The following LGSN variants were observed in gnomAD, a reference collection of about 807,000 sequenced individuals.
The protein encoded by LGSN is lengsin, lens protein with glutamine synthetase domain.
In LGSN, 21 loss-of-function variants were observed where a neutral mutation model predicts 19.5. That is an observed-to-expected ratio of 1.07 (90% confidence interval 0.76 to 1.55). The LOEUF is 1.55. LGSN is among the 40% of genes most tolerant of loss of function. LGSN has a pLI of 0.00. For synonymous variants in LGSN, 257 were observed against 215.6 expected (o/e 1.19, Z -1.68); for missense variants, 673 against 608.5 (o/e 1.11, Z -1.12).
intron 1 of LGSN, among the ~76,000 whole-genome samples, chr6:63,313,881 T>C (rs1271914035): frequency 1.3e-5 from 2 of 151,264 alleles, no homozygotes; most frequent in Admixed American, 6.6e-5. Flanking sequence ...CATACATACA[T>C]ACATACATAC....
the LGSN span, among the ~76,000 whole-genome samples, chr6:63,381,297 C>A: frequency 6.6e-6 from 1 of 152,094 alleles, no homozygotes; most frequent in Non-Finnish European, 1.5e-5. Flanking sequence ...AATCTGTATG[C>A]CAGTTTCATA....
chr6:63,404,868 A>G, the LGSN span, among the ~76,000 whole-genome samples: 1 of 152,068 alleles, frequency 6.6e-6, no homozygotes, highest in African/African-American at 2.4e-5. Context: ...GGTTAGTTAC[A>G]TATGTATACA....
chr6:63,298,058 G>A (rs1768047758), intron 1 of LGSN, among the ~76,000 whole-genome samples: 1 of 152,180 alleles, frequency 6.6e-6, no homozygotes, highest in Non-Finnish European at 1.5e-5. Context: ...AGGGCTGCCT[G>A]ACTCTTGAAT....
the LGSN span, among the ~76,000 whole-genome samples, chr6:63,382,029 C>T: frequency 1.4e-4 from 21 of 152,138 alleles, no homozygotes; most frequent in Admixed American, 6.5e-5. Context: ...TTCCTGGTAC[C>T]TTAAACATAA....
the LGSN span, among the ~76,000 whole-genome samples, chr6:63,384,489 TTGTGTGTGTGTGTGTGTG>T: frequency 7.6e-5 from 10 of 131,584 alleles, no homozygotes; most frequent in South Asian, 5.6e-4. Context: ...AAATAACACC[TTGTGTGTGTGTGTGTGTG>T]TGTGTGTGTG....
At chr6:63,449,055 G>A in the LGSN span, among the ~76,000 whole-genome samples, 3 of 152,196 alleles carry the variant, frequency 2.0e-5, no homozygotes, top group Admixed American at 6.5e-5. Flanking sequence ...CAAATACTAC[G>A]CCATTTTATA....
the LGSN span, among the ~76,000 whole-genome samples, chr6:63,450,136 C>G: frequency 7.1e-6 from 1 of 140,000 alleles, no homozygotes; most frequent in Non-Finnish European, 1.5e-5. Flanking sequence ...CACATGAGGT[C>G]AGGAGTTCTA....
At chr6:63,292,171 G>A (rs192935146) in intron 2 of LGSN, among the ~76,000 whole-genome samples, 2 of 152,290 alleles carry the variant, frequency 1.3e-5, no homozygotes, top group Admixed American at 1.3e-4. Flanking sequence ...GTTGCCTGGA[G>A]TCTCTAGATA....
chr6:63,523,710 A>G, the LGSN span, among the ~76,000 whole-genome samples: 1 of 152,156 alleles, frequency 6.6e-6, no homozygotes, highest in African/African-American at 2.4e-5. Flanking sequence ...AAACTCTTTT[A>G]AAATTATAAG....
the LGSN span, among the ~76,000 whole-genome samples, chr6:63,472,171 G>A: frequency 2.0e-5 from 3 of 152,142 alleles, no homozygotes; most frequent in Admixed American, 6.6e-5. Flanking sequence ...ATGAGAAGGC[G>A]TATTTTATTT....
At chr6:63,423,443 C>T in the LGSN span, among the ~76,000 whole-genome samples, 1 of 151,372 alleles carries the variant, frequency 6.6e-6, no homozygotes, top group Non-Finnish European at 1.5e-5. Context: ...TCAAGATGTG[C>T]CTATGCACAT....
chr6:63,285,306 G>A (rs1767480907), intron 3 of LGSN, among the ~76,000 whole-genome samples: 1 of 152,068 alleles, frequency 6.6e-6, no homozygotes, highest in African/African-American at 2.4e-5. Flanking sequence ...AAATAATTCT[G>A]TAGAGCAAAA....
chr6:63,453,761 C>G, the LGSN span, among the ~76,000 whole-genome samples: 7 of 152,126 alleles, frequency 4.6e-5, no homozygotes, highest in African/African-American at 7.2e-5. Flanking sequence ...TCACACCATT[C>G]TCCTGCCTCA....
At chr6:63,564,919 A>G in the LGSN span, among the ~76,000 whole-genome samples, 8 of 152,250 alleles carry the variant, frequency 5.3e-5, no homozygotes, top group Non-Finnish European at 1.2e-4. Flanking sequence ...TAGATTCATA[A>G]TAAGTCCTTT....
chr6:63,400,502 G>A, the LGSN span, among the ~76,000 whole-genome samples: 1 of 152,200 alleles, frequency 6.6e-6, no homozygotes, highest in Non-Finnish European at 1.5e-5. Flanking sequence ...ATTAAATACA[G>A]TCAAGGGCTC....
upstream of LGSN, among the ~76,000 whole-genome samples, chr6:63,324,888 A>C (rs1324009220): frequency 6.6e-6 from 1 of 151,694 alleles, no homozygotes; most frequent in Non-Finnish European, 1.5e-5. Flanking sequence ...CGGTCACATC[A>C]CAAATTCAGG....
chr6:63,442,306 G>A, the LGSN span, among the ~76,000 whole-genome samples: 1 of 152,184 alleles, frequency 6.6e-6, no homozygotes, highest in African/African-American at 2.4e-5. Flanking sequence ...AACAGAGAAA[G>A]AACAAAGCTT....
At chr6:63,367,251 T>A in the LGSN span, among the ~76,000 whole-genome samples, 2 of 151,688 alleles carry the variant, frequency 1.3e-5, no homozygotes, top group African/African-American at 4.9e-5. Flanking sequence ...CAAGAAAAAA[T>A]CAAACAACCC....
At chr6:63,355,233 A>G in the LGSN span, among the ~76,000 whole-genome samples, 1 of 152,318 alleles carries the variant, frequency 6.6e-6, no homozygotes, top group Admixed American at 6.5e-5. Context: ...CTACAAATAC[A>G]TACAAATATT....
Sources: allele counts gnomAD v4.1 joint callset (sites outside exome capture counted in the v4.1 genomes callset), GRCh38; gene constraint gnomAD v4.1.1; transcripts MANE v1.5; gene names NCBI Gene and HGNC (gene_info 2026-07-23, HGNC 2026-07-21).